The following CYP2C19 variants were observed in gnomAD, a reference collection of about 807,000 sequenced individuals.
CYP2C19 encodes the protein cytochrome P450 2C19.
In CYP2C19, 59 loss-of-function variants were observed where a neutral mutation model predicts 40.9. The observed-to-expected ratio is 1.44, with a 90% CI of 1.17 to 1.79. The LOEUF is 1.79. Ranked by LOEUF, CYP2C19 falls within the 40% of genes most tolerant of loss-of-function variation. The pLI is 0.00. For missense variants in CYP2C19, 754 were observed against 596.9 expected (o/e 1.26, Z -2.74); for synonymous variants, 253 against 208.7 (o/e 1.21, Z -1.83).
chr10:94,790,393 G>A (rs945420709), intron 5 of CYP2C19, among the ~76,000 whole-genome samples: 4 of 152,144 alleles, frequency 2.6e-5, no homozygotes, highest in Non-Finnish European at 5.9e-5. Flanking sequence ...TTGAATAGGA[G>A]TGGTGAGAGA....
intron 8 of CYP2C19, among the ~76,000 whole-genome samples, chr10:94,851,242 G>A (rs912551023): frequency 6.8e-6 from 1 of 147,896 alleles, no homozygotes; most frequent in African/African-American, 2.4e-5. Flanking sequence ...GGAAGAGCAG[G>A]AGAGAGAGAG....
chr10:94,828,740 T>G (rs1393111017), intron 6 of CYP2C19, among the ~76,000 whole-genome samples: 1 of 152,052 alleles, frequency 6.6e-6, no homozygotes. Flanking sequence ...CGTTAGTTGA[T>G]GCAGTTTCTT....
Position 94,775,393 on chromosome 10 carries a change from T to C in CYP2C19, c.335T>C (p.Ile112Thr), listed in dbSNP as rs372875966. Residue 112 changes from isoleucine (I) to threonine (T), a missense_variant, in exon 3 of 9, where the codon ATC becomes ACC. Transcript: ENST00000371321. ...GTTTCGTTTCTCTTCCTGTTAGGAA[T>C]CGTTTTCAGCAATGGAAAGAGATGG... is the stretch of plus-strand genomic sequence containing the variant. ...LAERANRGFG[I>T]VFSNGKRWKE... The C allele has an allele frequency of 1.9e-6, 3 of 1,613,870 alleles. No homozygotes were observed. In the African/African-American group the frequency reaches 4.0e-5, roughly 22 times the overall value.
intron 1 of CYP2C19, among the ~76,000 whole-genome samples, chr10:94,764,938 G>C (rs542798300): frequency 1.3e-5 from 2 of 152,204 alleles, no homozygotes; most frequent in South Asian, 4.1e-4. Context: ...TGTAAACACT[G>C]GGTGGCATCT....
chr10:94,813,520 C>T (rs1230400772), intron 5 of CYP2C19, among the ~76,000 whole-genome samples: 1 of 151,974 alleles, frequency 6.6e-6, no homozygotes, highest in Non-Finnish European at 1.5e-5. Flanking sequence ...GCTACAGTGG[C>T]TTTGCGGAGC....
intron 1 of CYP2C19, among the ~76,000 whole-genome samples, chr10:94,766,650 A>G (rs1848248522): frequency 6.6e-6 from 1 of 152,076 alleles, no homozygotes; most frequent in Non-Finnish European, 1.5e-5. Context: ...TTTCTTCAGG[A>G]TCGGTGGTAG....
chr10:94,848,026 T>C lies in CYP2C19; in HGVS notation c.1150-1891T>C, dbSNP rs550660470. 2.2e-4 allele frequency among the ~76,000 whole-genome samples: 34 copies of C among 152,314 alleles called. No homozygotes were observed. In the South Asian group the frequency reaches 5.4e-3, roughly 24 times the overall value. ...CAAAAATTTTCTCCCATTCTGTAGG[T>C]TGCCTATTCACTCTGATGGTGGTTT... On this transcript the variant is annotated intron_variant, in intron 7 of 8. Coordinates refer to ENST00000371321, the MANE Select transcript of CYP2C19 (RefSeq NM_000769.4).
intron 2 of CYP2C19, 65 bp downstream of exon 2, chr10:94,775,285 C>T: frequency 3.1e-6 from 5 of 1,612,880 alleles, no homozygotes; most frequent in Non-Finnish European, 4.2e-6. Flanking sequence ...AACAGACTAG[C>T]AGAGCTTCTC....
At position 94,826,336 on chromosome 10, in the gene CYP2C19, A is replaced by T. The variant is rs566144525; in HGVS notation, c.961+5699A>T. Among the ~76,000 whole-genome samples the T allele has an allele frequency of 2.6e-3, 388 of 152,148 alleles. 12 individuals are homozygous for T. The East Asian group carries it at 0.061, about 24-fold the overall frequency. On this transcript the variant is annotated intron_variant, in intron 6 of 8. Transcript: ENST00000371321. ...GTTTGTATCCTCTTTTATTTCCTTG[A>T]TCAGTGGTTTGTAGTTCTCCTTGAA...
intron 6 of CYP2C19, among the ~76,000 whole-genome samples, chr10:94,835,477 G>A (rs1451564034): frequency 2.0e-5 from 3 of 152,158 alleles, no homozygotes; most frequent in Admixed American, 1.3e-4. Flanking sequence ...GTTTCCCGGA[G>A]GGGATTACCC....
At position 94,774,963 on chromosome 10, in the gene CYP2C19, G is replaced by A. The variant is rs543880335; in HGVS notation, c.169-95G>A. The A allele has an allele frequency of 1.6e-3, 2,145 of 1,315,596 alleles. 2 individuals carry two copies. Among genetic ancestry groups the A allele is most frequent in the Non-Finnish European group, 2.2e-3 (2,042 of 944,276 alleles). 81.5% of individuals were successfully genotyped at this position (1,315,596 alleles called of 1,614,324 possible). A position where few individuals can be genotyped will look rare whatever the true frequency, so the allele number is the denominator to read the frequency against. ...TTTGAGCCTGTGTGACTGAATAAAA[G>A]CATACAAATACAATGAAAATATGAA... On this transcript the variant is annotated intron_variant, in intron 1 of 8. Coordinates refer to ENST00000371321, the MANE Select transcript of CYP2C19 (RefSeq NM_000769.4).
chr10:94,798,779 G>A (rs1289045558), intron 5 of CYP2C19, among the ~76,000 whole-genome samples: 1 of 142,060 alleles, frequency 7.0e-6, no homozygotes, highest in African/African-American at 2.6e-5. Context: ...TTGGTTTAAA[G>A]TCTGTTTTAT....
At position 94,853,149 on chromosome 10, in the gene CYP2C19, A is replaced by G; in HGVS notation, c.*235A>G. On this transcript the variant is annotated 3_prime_UTR_variant, in exon 9 of 9. Transcript: ENST00000371321. ...GCCACATAATGCTGATACTTGTCTA[A>G]TGTTGAGTTATTAACATATTATTAT... The G allele has an allele frequency of 1.9e-6, 1 of 524,610 alleles. No homozygotes were observed. Among genetic ancestry groups the G allele is most frequent in the South Asian group, 2.5e-5 (1 of 39,952 alleles). The allele number at this position is 524,610 out of a possible 1,614,324, so 32.5% of individuals were successfully genotyped here.
intron 5 of CYP2C19, among the ~76,000 whole-genome samples, chr10:94,786,711 T>A (rs1453144146): frequency 6.6e-6 from 1 of 152,054 alleles, no homozygotes. Flanking sequence ...CTATAGTAAT[T>A]CCCAGTGTGT....
intron 6 of CYP2C19, among the ~76,000 whole-genome samples, chr10:94,826,729 C>T (rs1371442450): frequency 1.3e-5 from 2 of 152,212 alleles, no homozygotes; most frequent in East Asian, 3.8e-4. Context: ...GCATCCCTGT[C>T]TTGTGCCAGT....
At chr10:94,768,628 C>A (rs1848282134) in intron 1 of CYP2C19, among the ~76,000 whole-genome samples, 1 of 152,112 alleles carries the variant, frequency 6.6e-6, no homozygotes, top group Non-Finnish European at 1.5e-5. Context: ...ACAGTGAGAT[C>A]CTTTCCTTGT....
chr10:94,807,493 C>T (rs973450040), intron 5 of CYP2C19, among the ~76,000 whole-genome samples: 1 of 152,116 alleles, frequency 6.6e-6, no homozygotes, highest in Non-Finnish European at 1.5e-5. Context: ...CATGGCAGTA[C>T]TAATTTACAT....
chr10:94,825,979 G>A (rs1292234286), intron 6 of CYP2C19, among the ~76,000 whole-genome samples: 63 of 148,996 alleles, frequency 4.2e-4, no homozygotes, highest in East Asian at 5.9e-4. Flanking sequence ...GATATGTGGC[G>A]TTATTTCTGA....
chr10:94,805,328 C>G (rs1051628049), intron 5 of CYP2C19, among the ~76,000 whole-genome samples: 1 of 151,852 alleles, frequency 6.6e-6, no homozygotes, highest in Non-Finnish European at 1.5e-5. Flanking sequence ...CTCTTTTATT[C>G]TAATATGGTG....
Sources: allele counts gnomAD v4.1 joint callset (sites outside exome capture counted in the v4.1 genomes callset), GRCh38; gene constraint gnomAD v4.1.1; transcripts MANE v1.5; gene names NCBI Gene and HGNC (gene_info 2026-07-23, HGNC 2026-07-21).